The following THSD4 variants were observed in gnomAD, a reference collection of about 807,000 sequenced individuals.
The protein encoded by THSD4 is thrombospondin type-1 domain-containing protein 4.
THSD4 carries 69 observed loss-of-function variants against 119.0 expected under a neutral mutation model. The ratio of observed to expected loss-of-function variants is 0.58; its 90% CI spans 0.48 to 0.71. THSD4 has a LOEUF of 0.71. THSD4 is among the 30% of genes least tolerant of loss of function. The pLI, the probability that THSD4 is intolerant of heterozygous loss-of-function variation, is 0.00. For synonymous variants in THSD4, 524 were observed against 540.4 expected, an observed-to-expected ratio of 0.97 and a Z score of 0.42; for missense variants, 1,393 against 1,391.1, an observed-to-expected ratio of 1.00 and a Z score of -0.02.
intron 7 of THSD4, among the ~76,000 whole-genome samples, chr15:71,580,788 C>T (rs1202114279): frequency 6.6e-6 from 1 of 152,036 alleles, no homozygotes. Context: ...TAATGTACTC[C>T]AGGTTCATTC....
In THSD4 at chr15:71,561,891, C is replaced by A. The variant is rs1354093079; in HGVS notation, c.1153-98639C>A. ...ACACACACACACACACACACACACA[C>A]ACACACACACACACACACACACACA... On this transcript the variant is annotated intron_variant, in intron 7 of 17. Transcript: ENST00000261862. Among the ~76,000 whole-genome samples, 135 of 99,060 alleles carry A rather than the reference C, an allele frequency of 1.4e-3. 6 individuals carry two copies. Among genetic ancestry groups the A allele is most frequent in the Middle Eastern group, 4.1e-3 (1 of 246 alleles). The allele number at this position is 99,060 out of a possible 152,430, so 65.0% of individuals were successfully genotyped here.
chr15:71,279,070 T>G (rs2044622727), intron 6 of THSD4, among the ~76,000 whole-genome samples: 1 of 152,164 alleles, frequency 6.6e-6, no homozygotes, highest in African/African-American at 2.4e-5. Context: ...TTGAGGAAAC[T>G]TTGAGTACAT....
intron 6 of THSD4, among the ~76,000 whole-genome samples, chr15:71,405,836 G>A (rs1431011914): frequency 1.3e-5 from 2 of 152,124 alleles, no homozygotes; most frequent in Non-Finnish European, 2.9e-5. Context: ...ATATTTTGAG[G>A]TTTTCAATGA....
intron 7 of THSD4, among the ~76,000 whole-genome samples, chr15:71,554,270 A>AT (rs758380412): frequency 7.0e-6 from 1 of 142,340 alleles, no homozygotes; most frequent in African/African-American, 2.6e-5. Context: ...TTTTTTTTGT[A>AT]TTTTTTTAGT....
intron 7 of THSD4, among the ~76,000 whole-genome samples, chr15:71,577,921 C>T (rs1467857428): frequency 1.3e-5 from 2 of 150,652 alleles, no homozygotes; most frequent in South Asian, 2.1e-4. Flanking sequence ...TGGGATTTCA[C>T]CATGTTGGCC....
intron 3 of THSD4, among the ~76,000 whole-genome samples, chr15:71,164,513 G>T (rs1000050688): frequency 6.6e-6 from 1 of 151,686 alleles, no homozygotes; most frequent in Non-Finnish European, 1.5e-5. Context: ...ACAAGAACCT[G>T]CTTTAAATTT....
intron 6 of THSD4, among the ~76,000 whole-genome samples, chr15:71,373,661 C>T (rs1180626632): frequency 6.6e-6 from 1 of 152,212 alleles, no homozygotes; most frequent in Non-Finnish European, 1.5e-5. Flanking sequence ...CTTGGCCCTA[C>T]TCTGCCACTG....
Position 71,724,288 on chromosome 15 carries a change from T to TA in THSD4, c.1358-4261_1358-4260insA, listed in dbSNP as rs1491162842. Among the ~76,000 whole-genome samples the TA allele has an allele frequency of 6.4e-3, 201 of 31,472 alleles. 2 individuals carry two copies. Among genetic ancestry groups the TA allele is most frequent in the African/African-American group, 0.016 (190 of 11,644 alleles). 20.6% of individuals were successfully genotyped at this position (31,472 alleles called of 152,430 possible). On this transcript the variant is annotated intron_variant, in intron 8 of 17. Transcript: ENST00000261862. ...TGGGATATATATATATATATATATATTTTTTTTTTCCCCCCAAGATGGAAT... is the reference window on the plus strand; with the variant it reads ...TGGGATATATATATATATATATATATATTTTTTTTTCCCCCCAAGATGGAAT...
intron 5 of THSD4, 85 bp downstream of exon 5, chr15:71,243,181 A>C: frequency 1.4e-6 from 2 of 1,382,218 alleles, no homozygotes; most frequent in Admixed American, 2.3e-5. Context: ...TGAAGACAGC[A>C]AGGATATGGT....
chr15:71,509,618 C>T (rs2048247763), intron 7 of THSD4, among the ~76,000 whole-genome samples: 1 of 152,226 alleles, frequency 6.6e-6, no homozygotes, highest in South Asian at 2.1e-4. Context: ...AGAAATCAAA[C>T]CTGGGTCTGT....
chr15:71,212,873 CT>C (rs2043898998), intron 3 of THSD4, among the ~76,000 whole-genome samples: 2 of 152,354 alleles, frequency 1.3e-5, no homozygotes, highest in South Asian at 4.1e-4. Context: ...AAAGTGTTAA[CT>C]GGCGCTAGTG....
At chr15:71,494,545 C>T (rs2047979891) in intron 7 of THSD4, among the ~76,000 whole-genome samples, 1 of 152,044 alleles carries the variant, frequency 6.6e-6, no homozygotes, top group South Asian at 2.1e-4. Flanking sequence ...ACTCTGACCC[C>T]CCACCCCCAC....
chr15:71,622,457 G>A (rs543446318), intron 7 of THSD4, among the ~76,000 whole-genome samples: 1 of 152,266 alleles, frequency 6.6e-6, no homozygotes, highest in East Asian at 1.9e-4. Flanking sequence ...AAATAACTCA[G>A]AGGCATCAGT....
intron 7 of THSD4, among the ~76,000 whole-genome samples, chr15:71,539,725 A>G (rs940324415): frequency 6.6e-6 from 1 of 152,194 alleles, no homozygotes; most frequent in Non-Finnish European, 1.5e-5. Context: ...GGTATCTAAG[A>G]TGAACCATTA....
At chr15:71,673,843 G>A (rs901797691) in intron 8 of THSD4, among the ~76,000 whole-genome samples, 2 of 152,068 alleles carry the variant, frequency 1.3e-5, no homozygotes, top group African/African-American at 4.8e-5. Context: ...TGCAAGGTCC[G>A]CCTCCCAGGT....
chr15:71,267,091 C>G (rs1364273539), intron 6 of THSD4, among the ~76,000 whole-genome samples: 1 of 152,090 alleles, frequency 6.6e-6, no homozygotes, highest in Non-Finnish European at 1.5e-5. Context: ...GGCCAACATT[C>G]AAATTCAGGA....
At chr15:71,245,519 A>G (rs2044191922) in intron 5 of THSD4, among the ~76,000 whole-genome samples, 1 of 152,216 alleles carries the variant, frequency 6.6e-6, no homozygotes, top group Non-Finnish European at 1.5e-5. Context: ...TTGAATAAAC[A>G]AAGCAAAATC....
In THSD4 at chr15:71,779,820, G is replaced by A. The variant is rs552330149; in HGVS notation, c.*2446G>A. ...TGGATCAACCCCATGTCTCCCTTGG[G>A]GAGAAAGTGCATAAACCAGGGGTCT... On this transcript the variant is annotated 3_prime_UTR_variant, in exon 18 of 18. Coordinates refer to ENST00000261862, the MANE Select transcript of THSD4 (RefSeq NM_024817.3). 1 of 146,318 alleles carries A rather than the reference G, an allele frequency of 6.8e-6. No homozygotes were observed. Among genetic ancestry groups the A allele is most frequent in the South Asian group, 2.3e-4 (1 of 4,420 alleles). 9.1% of individuals were successfully genotyped at this position (146,318 alleles called of 1,614,324 possible). A position where few individuals can be genotyped will look rare whatever the true frequency, so the allele number is the denominator to read the frequency against.
At chr15:71,164,827 C>T in intron 3 of THSD4, 2 of 1,592,426 alleles carry the variant, frequency 1.3e-6, no homozygotes, top group Non-Finnish European at 1.7e-6. Context: ...CCTCCTCCTC[C>T]TCATCCTCTT....
Sources: gnomAD v4.1 joint callset for allele counts (sites outside exome capture counted in the v4.1 genomes callset) on GRCh38, gnomAD v4.1.1 for gene constraint, MANE v1.5 for transcripts, NCBI Gene and HGNC (gene_info 2026-07-23, HGNC 2026-07-21) for gene names.